The following KIF9 variants were observed in gnomAD, a reference collection of about 807,000 sequenced individuals.
KIF9 encodes the protein kinesin family member 9.
In KIF9, 68 loss-of-function variants were observed where a neutral mutation model predicts 94.8. That is an observed-to-expected ratio of 0.72 (90% CI 0.59 to 0.88). The LOEUF (loss-of-function observed/expected upper bound fraction) is 0.88, where lower values mean the gene tolerates loss of function less well. KIF9 is among the 40% of genes least tolerant of loss of function. KIF9 has a pLI of 0.00. For missense variants in KIF9, 882 were observed against 982.5 expected (o/e 0.90, Z 1.37); for synonymous variants, 343 against 362.1 (o/e 0.95, Z 0.60).
At chr3:47,266,225 C>T (rs1167904953) in intron 7 of KIF9, among the ~76,000 whole-genome samples, 3 of 152,212 alleles carry the variant, frequency 2.0e-5, no homozygotes, top group Admixed American at 1.3e-4. Context: ...TGAATATTCA[C>T]ACAAACACTC....
At chr3:47,279,592 T>C (rs1290296698) in intron 1 of KIF9, among the ~76,000 whole-genome samples, 1 of 152,012 alleles carries the variant, frequency 6.6e-6, no homozygotes, top group African/African-American at 2.4e-5. Context: ...AAAAAGTACA[T>C]TAAATAATGG....
intron 3 of KIF9, 115 bp downstream of exon 3, chr3:47,275,210 G>T: frequency 1.2e-6 from 1 of 816,622 alleles, no homozygotes; most frequent in Non-Finnish European, 1.9e-6. Flanking sequence ...AGAACATGGA[G>T]ACAGACAAAC....
intron 10 of KIF9, 31 bp downstream of exon 10, chr3:47,257,452 G>A (rs1390454161): frequency 6.3e-7 from 1 of 1,594,844 alleles, no homozygotes; most frequent in Non-Finnish European, 8.6e-7. Flanking sequence ...TTTCCCCACA[G>A]TGGGACACCT....
Position 47,245,500 on chromosome 3 carries a change from T to C in KIF9, c.1301A>G (p.Gln434Arg), listed in dbSNP as rs900640237. Residue 434 changes from glutamine to arginine, a missense_variant, in exon 14 of 21, where the codon CAG (glutamine) becomes CGG (arginine). Coordinates refer to ENST00000684063, the MANE Select transcript of KIF9 (RefSeq NM_182902.4). ...CCTGCGCAAAGTGGACTCCACTTCCTGTTCCTGTTGGCTTGGGAGACAGCA... is the reference window on the plus strand; with the variant it reads ...CCTGCGCAAAGTGGACTCCACTTCCCGTTCCTGTTGGCTTGGGAGACAGCA... ...QFRVVLSQQE[Q>R]EVESTLRRKY... 4 of 1,613,344 alleles carry C rather than the reference T, an allele frequency of 2.5e-6. No individual in the cohort carries two copies. In the African/African-American group the frequency reaches 5.3e-5, roughly 22 times the overall value.
intron 10 of KIF9, among the ~76,000 whole-genome samples, chr3:47,256,093 G>T (rs924229385): frequency 6.6e-6 from 1 of 152,190 alleles, no homozygotes; most frequent in Admixed American, 6.5e-5. Context: ...GTGCAGTGGC[G>T]TGATCTCGGC....
chr3:47,253,113 G>A (rs1308662133), intron 10 of KIF9, among the ~76,000 whole-genome samples: 2 of 152,102 alleles, frequency 1.3e-5, no homozygotes, highest in African/African-American at 2.4e-5. Flanking sequence ...GCCCCAAAAT[G>A]TGACTTTAAT....
At chr3:47,251,732 G>A (rs974589448) in intron 10 of KIF9, among the ~76,000 whole-genome samples, 4 of 152,190 alleles carry the variant, frequency 2.6e-5, no homozygotes, top group Non-Finnish European at 5.9e-5. Context: ...AGCTCTTGGG[G>A]CAGGCAGTTT....
rs577695557 is a variant in KIF9 at position 47,254,033 on chromosome 3, T to C, written c.1059+3450A>G. 1.9e-4 allele frequency among the ~76,000 whole-genome samples: 29 copies of C among 152,316 alleles called. 1 individual carries two copies. In the Middle Eastern group the frequency reaches 0.01, roughly 54 times the overall value. ...GGAGAGGAGTGCTAAACAACATTTA[T>C]TGAACATTTACCCCATGACAGCACT... On this transcript the variant is annotated intron_variant, in intron 10 of 20. Transcript: ENST00000684063.
intron 11 of KIF9, 43 bp downstream of exon 11, chr3:47,247,975 A>G (rs1700034535): frequency 6.8e-7 from 1 of 1,481,000 alleles, no homozygotes; most frequent in South Asian, 1.1e-5. Context: ...GTCACCCCCT[A>G]CCCCAGCACC....
intron 19 of KIF9, among the ~76,000 whole-genome samples, 186 bp downstream of exon 19, chr3:47,235,848 T>C (rs1173845569): frequency 3.3e-5 from 5 of 151,908 alleles, no homozygotes; most frequent in African/African-American, 1.2e-4. Context: ...GTAGTAAGAG[T>C]GGTATTTTCC....
chr3:47,245,653 A>C (rs1227283322), intron 13 of KIF9, 142 bp from the exon 14 acceptor site: 2 of 666,634 alleles, frequency 3.0e-6, no homozygotes, highest in Non-Finnish European at 5.4e-6. Context: ...CAGACCAGAC[A>C]AAAGGACAAA....
At chr3:47,278,641 C>T (rs1702125204) in intron 1 of KIF9, among the ~76,000 whole-genome samples, 1 of 152,066 alleles carries the variant, frequency 6.6e-6, no homozygotes, top group Admixed American at 6.6e-5. Context: ...CCAGCCTGGG[C>T]AACATGGCGA....
At chr3:47,270,893 C>CT (rs1219837387) in intron 5 of KIF9, among the ~76,000 whole-genome samples, 1 of 145,380 alleles carries the variant, frequency 6.9e-6, no homozygotes, top group Non-Finnish European at 1.5e-5. Flanking sequence ...AATCCCTGCA[C>CT]TTTGAGAGGC....
chr3:47,230,498 C>T (rs1212554078), intron 20 of KIF9, among the ~76,000 whole-genome samples: 4 of 152,042 alleles, frequency 2.6e-5, no homozygotes, highest in East Asian at 1.9e-4. Flanking sequence ...TTTGGGAGGT[C>T]GAGGCGGGTG....
intron 7 of KIF9, among the ~76,000 whole-genome samples, chr3:47,266,343 T>C (rs17079543): frequency 0.033 from 4,985 of 152,256 alleles, 240 homozygotes; most frequent in East Asian, 0.13. Context: ...ATACGAATAC[T>C]CATATTCATT....
chr3:47,257,483 C>T lies in KIF9; in HGVS notation c.1059G>A (p.Glu353=). The T allele has an allele frequency of 6.2e-7, 1 of 1,613,428 alleles. No individual in the cohort carries two copies. The highest frequency in any genetic ancestry group is 1.1e-5 in the South Asian group (1 of 91,072). ...EPAINEKYDA[E]RMVKNLEKEL... is the part of the protein sequence containing the mutation. ...CACCTGTCCACAACCCCTGCTGTAC[C>T]TCAGCATCATACTTTTCATTGATGG... Residue 353 remains glutamate (E), a splice_region_variant and synonymous_variant, in exon 10 of 21, where the codon GAG becomes GAA. Transcript: ENST00000684063.
At position 47,264,298 on chromosome 3, in the gene KIF9, C is replaced by T. The variant is rs1190829195; in HGVS notation, c.969G>A (p.Gln323=). The T allele has an allele frequency of 1.2e-6, 2 of 1,613,182 alleles. No homozygotes were observed. Among genetic ancestry groups the T allele is most frequent in the South Asian group, 1.1e-5 (1 of 91,078 alleles). Residue 323 remains glutamine, a synonymous_variant, in exon 9 of 21, where the codon CAG becomes CAA. Coordinates refer to ENST00000684063, the MANE Select transcript of KIF9 (RefSeq NM_182902.4). ...LVTNIYGEAA[Q]LEETLSSLRF... is the part of the protein sequence containing the mutation. ...TGTCTTTACATACCGTTTCTTCTAACTGGGCAGCTTCTCCATAGATGTTTG... is the reference window on the plus strand; with the variant it reads ...TGTCTTTACATACCGTTTCTTCTAATTGGGCAGCTTCTCCATAGATGTTTG...
Position 47,237,956 on chromosome 3 carries a change from A to G in KIF9, c.1925-1337T>C, listed in dbSNP as rs183757972. ...GATAAGCCACAATCCTTTACAGAGT[A>G]GAGGCTTTACAGTACTCTATGAAGA... is the stretch of plus-strand genomic sequence containing the variant. On this transcript the variant is annotated intron_variant, in intron 17 of 20. Coordinates refer to ENST00000684063, the MANE Select transcript of KIF9 (RefSeq NM_182902.4). Among the ~76,000 whole-genome samples the G allele has an allele frequency of 3.3e-5, 5 of 152,366 alleles. No individual in the cohort carries two copies. The East Asian group carries it at 9.6e-4, about 29-fold the overall frequency.
intron 9 of KIF9, 128 bp from the exon 10 acceptor site, chr3:47,257,688 T>A (rs368272629): frequency 1.3e-6 from 1 of 741,366 alleles, no homozygotes; most frequent in Non-Finnish European, 2.3e-6. Flanking sequence ...CCATGTTGGT[T>A]CCCTTCCCCC....
Sources: gnomAD v4.1 joint callset for allele counts (sites outside exome capture counted in the v4.1 genomes callset) on GRCh38, gnomAD v4.1.1 for gene constraint, MANE v1.5 for transcripts, NCBI Gene and HGNC (gene_info 2026-07-23, HGNC 2026-07-21) for gene names.